Variants in BRF2 observed in about 807,000 individuals in gnomAD.
The protein encoded by BRF2 is BRF2 general transcription factor IIIB subunit, also known as transcription factor IIIB 50 kDa subunit.
A neutral mutation model predicts 26.6 loss-of-function variants in BRF2; 17 were observed. The observed-to-expected ratio is 0.64, with a 90% CI of 0.44 to 0.96. BRF2 has a LOEUF of 0.96. Among genes scored for constraint, BRF2 ranks in the 40% least tolerant of loss-of-function variants. The pLI is 0.00. For synonymous variants in BRF2, 219 were observed against 226.6 expected (o/e 0.97, Z 0.30); for missense variants, 515 against 537.0 (o/e 0.96, Z 0.40).
Position 37,844,482 on chromosome 8 carries a change from G to T in BRF2, c.*8C>A. 6.2e-7 allele frequency: 1 copy of T among 1,611,056 alleles called. No homozygotes were observed. The highest frequency in any genetic ancestry group is 8.5e-7 in the Non-Finnish European group (1 of 1,178,772). On this transcript the variant is annotated 3_prime_UTR_variant, in exon 4 of 4. Transcript: ENST00000220659. ...AGAACAGGATGAAGTGCTCCCAGTG[G>T]ATATCCATCAGGGAGGGTTAGGGAC...
intron 3 of BRF2, chr8:37,845,666 A>G: frequency 2.9e-6 from 2 of 697,376 alleles, no homozygotes; most frequent in Non-Finnish European, 5.2e-6. Flanking sequence ...AGCCAGGCGC[A>G]GTGCTCACGC....
In BRF2 at chr8:37,849,681, CCA is replaced by C; in HGVS notation, c.101_102del (p.Val34GlyfsTer32). ...GTAGTGGTAAGGACCCCCTCGGTGA[CCA>C]CGCAGCCGCAGTCGGAGCACACCAG... ...SQLVCSDCGC[V>X]VTEGVLTTTF... is the part of the protein sequence containing the mutation. On this transcript the variant is annotated frameshift_variant, in exon 1 of 4. Transcript: ENST00000220659. LOFTEE classifies it high-confidence loss of function. 6.2e-7 allele frequency: 1 copy of C among 1,613,688 alleles called. No homozygotes were observed. The highest frequency in any genetic ancestry group is 1.1e-5 in the South Asian group (1 of 91,086).
In BRF2 at chr8:37,844,516, CA is replaced by C; in HGVS notation, c.1233del (p.Ala412ProfsTer23). Reference sequence around the variant, plus strand: ...CAGGGAGGGTTAGGGACACTCGTGGCAGCCTGTCTAGCAGCCTGGGCTCTCT... The same window carrying C: ...CAGGGAGGGTTAGGGACACTCGTGGCGCCTGTCTAGCAGCCTGGGCTCTCT... ...DFQRAQAARQ[A>X]ATSVPNPP On this transcript the variant is annotated frameshift_variant, in exon 4 of 4. Coordinates refer to ENST00000220659, the MANE Select transcript of BRF2 (RefSeq NM_018310.4). LOFTEE classifies it high-confidence loss of function. 1 of 1,613,352 alleles carries C rather than the reference CA, an allele frequency of 6.2e-7. No homozygotes were observed. The highest frequency in any genetic ancestry group is 8.5e-7 in the Non-Finnish European group (1 of 1,179,992).
chr8:37,849,304 A>G (rs1806021331), intron 1 of BRF2, among the ~76,000 whole-genome samples: 1 of 152,222 alleles, frequency 6.6e-6, no homozygotes, highest in South Asian at 2.1e-4. Context: ...TTTGTGCTTA[A>G]AACTATTTCA....
At position 37,846,817 on chromosome 8, in the gene BRF2, T is replaced by G. The variant is rs761534518; in HGVS notation, c.536+37A>C. On this transcript the variant is annotated intron_variant, in intron 3 of 3. Transcript: ENST00000220659. ...CAAAGGATTCAGGTCTAAGGACCCA[T>G]CCCATCCCATCCTACTGTCTCCCAC... 3.5e-6 allele frequency: 5 copies of G among 1,448,968 alleles called. No individual in the cohort carries two copies. The East Asian group carries it at 1.1e-4, about 33-fold the overall frequency. 89.8% of individuals were successfully genotyped at this position (1,448,968 alleles called of 1,614,324 possible).
At chr8:37,845,270 G>C in intron 3 of BRF2, 57 bp from the exon 4 acceptor site, 6 of 1,427,534 alleles carry the variant, frequency 4.2e-6, no homozygotes, top group Non-Finnish European at 5.8e-6. Context: ...CTCTCCCACA[G>C]TGAGGAAAGA....
intron 1 of BRF2, among the ~76,000 whole-genome samples, chr8:37,849,155 C>A (rs972410831): frequency 7.2e-5 from 11 of 152,188 alleles, no homozygotes; most frequent in Non-Finnish European, 4.4e-5. Flanking sequence ...AGATCCTGGG[C>A]TCAAGCAATC....
Position 37,844,847 on chromosome 8 carries a change from G to A in BRF2, c.903C>T (p.Leu301=), listed in dbSNP as rs1563358056. The A allele has an allele frequency of 3.1e-6, 5 of 1,614,192 alleles. No individual in the cohort carries two copies. Among genetic ancestry groups the A allele is most frequent in the Non-Finnish European group, 3.4e-6 (4 of 1,180,044 alleles). Residue 301 remains leucine (L), a synonymous_variant, in exon 4 of 4, where the codon CTC becomes CTT. Transcript: ENST00000220659. ...RSVVKHIGDL[L]QHRQSLVRSA... is the part of the protein sequence containing the mutation. Reference sequence around the variant, plus strand: ...AGCGGACCAGTGACTGGCGGTGCTGGAGAAGGTCACCGATGTGCTTCACCA... The same window carrying A: ...AGCGGACCAGTGACTGGCGGTGCTGAAGAAGGTCACCGATGTGCTTCACCA...
intron 2 of BRF2, 158 bp from the exon 3 acceptor site, chr8:37,847,333 A>T: frequency 1.4e-6 from 1 of 714,522 alleles, no homozygotes; most frequent in Non-Finnish European, 2.5e-6. Context: ...GACACTTGGT[A>T]TAGTCATTCT....
chr8:37,845,217 A>G lies in BRF2; in HGVS notation c.537-4T>C, dbSNP rs764060811. The G allele has an allele frequency of 6.2e-7, 1 of 1,603,110 alleles. No homozygotes were observed. The highest frequency in any genetic ancestry group is 8.5e-7 in the Non-Finnish European group (1 of 1,171,398). On this transcript the variant is annotated splice_region_variant and splice_polypyrimidine_tract_variant and intron_variant, in intron 3 of 3. Coordinates refer to ENST00000220659, the MANE Select transcript of BRF2 (RefSeq NM_018310.4). ...TGAAGCTTGGAACAGTTTGAAGCTG[A>G]AATAACCAAAATGAGGGTTGGATCT...
chr8:37,849,731 T>A lies in BRF2; in HGVS notation c.53A>T (p.Asp18Val), dbSNP rs1411078614. ...CAGCTGGCTCTGCGAATAGTGCGAG[T>A]CTTCCACCAGCTCCGTGGAGCCGCA... ...PDCGSTELVEDSHYSQSQLVC... is the reference protein window; with the variant it reads ...PDCGSTELVEVSHYSQSQLVC... Residue 18 changes from aspartate (D) to valine (V), a missense_variant, in exon 1 of 4, where the codon GAC becomes GTC. Coordinates refer to ENST00000220659, the MANE Select transcript of BRF2 (RefSeq NM_018310.4). 5 of 1,613,388 alleles carry A rather than the reference T, an allele frequency of 3.1e-6. No homozygotes were observed. The highest frequency in any genetic ancestry group is 3.3e-4 in the Middle Eastern group (2 of 6,000).
rs1159430724 is a variant in BRF2, at chr8:37,844,274, C to A, written c.*216G>T. On this transcript the variant is annotated 3_prime_UTR_variant, in exon 4 of 4. Coordinates refer to ENST00000220659, the MANE Select transcript of BRF2 (RefSeq NM_018310.4). ...AACATGGACATAGGCAACTTGCTCTCCCACACCAAGGGATGGGAATCTCTC... is the reference window on the plus strand; with the variant it reads ...AACATGGACATAGGCAACTTGCTCTACCACACCAAGGGATGGGAATCTCTC... 1.0e-5 allele frequency: 6 copies of A among 590,268 alleles called. No individual in the cohort carries two copies. Among genetic ancestry groups the A allele is most frequent in the Non-Finnish European group, 1.8e-5 (6 of 331,602 alleles). The allele number at this position is 590,268 out of a possible 1,614,324, so 36.6% of individuals were successfully genotyped here.
rs1250591646 is a variant in BRF2, at chr8:37,847,074, T to C, written c.316A>G (p.Ile106Val). The C allele has an allele frequency of 6.2e-7, 1 of 1,614,130 alleles. No individual in the cohort carries two copies. Among genetic ancestry groups the C allele is most frequent in the Non-Finnish European group, 8.5e-7 (1 of 1,180,058 alleles). Reference protein sequence around the residue: ...YYQQAYRHSGIRAARLQKKEV... With the variant: ...YYQQAYRHSGVRAARLQKKEV... Reference sequence around the variant, plus strand: ...TTCTTTTGCAGCCTGGCCGCTCGGATGCCAGAGTGCCGATATGCCTGTTGG... The same window carrying C: ...TTCTTTTGCAGCCTGGCCGCTCGGACGCCAGAGTGCCGATATGCCTGTTGG... Residue 106 changes from isoleucine to valine, a missense_variant, in exon 3 of 4, where the codon ATC (isoleucine) becomes GTC (valine). Coordinates refer to ENST00000220659, the MANE Select transcript of BRF2 (RefSeq NM_018310.4).
intron 2 of BRF2, 29 bp from the exon 3 acceptor site, chr8:37,847,204 G>A (rs201751482): frequency 7.7e-5 from 123 of 1,601,400 alleles, no homozygotes; most frequent in Admixed American, 2.0e-4. Context: ...AAGAGTTAGA[G>A]GGGTCAAAGG....
At position 37,843,626 on chromosome 8, in the gene BRF2, C is replaced by G. The variant is rs796548545; in HGVS notation, c.*864G>C. On this transcript the variant is annotated 3_prime_UTR_variant, in exon 4 of 4. Coordinates refer to ENST00000220659, the MANE Select transcript of BRF2 (RefSeq NM_018310.4). ...TGACCTAGGGTTCCCTCCCAGTCTT[C>G]ACATCACTCTGGCCTCATCACCAAG... is the stretch of plus-strand genomic sequence containing the variant. 9.6e-4 allele frequency: 146 copies of G among 152,444 alleles called. 1 individual carries two copies. Among genetic ancestry groups the G allele is most frequent in the African/African-American group, 3.4e-3 (141 of 41,554 alleles). The allele number at this position is 152,444 out of a possible 1,614,324, so 9.4% of individuals were successfully genotyped here. A position where few individuals can be genotyped will look rare whatever the true frequency, so the allele number is the denominator to read the frequency against.
chr8:37,843,968 G>A lies in BRF2; in HGVS notation c.*522C>T, dbSNP rs1805897223. ...ATATTAAAATTTTGCAAAGCCCTTT[G>A]AGCTACTGCCTTAGTCTACCCACTG... On this transcript the variant is annotated 3_prime_UTR_variant, in exon 4 of 4. Coordinates refer to ENST00000220659, the MANE Select transcript of BRF2 (RefSeq NM_018310.4). 6.5e-6 allele frequency: 1 copy of A among 153,746 alleles called. No individual in the cohort carries two copies. Among genetic ancestry groups the A allele is most frequent in the Admixed American group, 6.5e-5 (1 of 15,458 alleles). 9.5% of individuals were successfully genotyped at this position (153,746 alleles called of 1,614,324 possible).
intron 1 of BRF2, among the ~76,000 whole-genome samples, chr8:37,849,102 T>C (rs974830052): frequency 6.6e-6 from 1 of 151,954 alleles, no homozygotes; most frequent in Non-Finnish European, 1.5e-5. Context: ...AAAAAAAAAT[T>C]TTTTTAGGCA....
chr8:37,844,342 C>A lies in BRF2; in HGVS notation c.*148G>T. ...TGCACTCCTGACTTTACTCCAGGAC[C>A]CAGGGTCCAACTAATGGCAGAGCCC... is the stretch of plus-strand genomic sequence containing the variant. On this transcript the variant is annotated 3_prime_UTR_variant, in exon 4 of 4. Coordinates refer to ENST00000220659, the MANE Select transcript of BRF2 (RefSeq NM_018310.4). 1 of 1,016,694 alleles carries A rather than the reference C, an allele frequency of 9.8e-7. No homozygotes were observed. 63.0% of individuals were successfully genotyped at this position (1,016,694 alleles called of 1,614,324 possible).
rs763706647 is a variant in BRF2, at chr8:37,844,751, T to C, written c.999A>G (p.Gln333=). ...AATTATTTCCCACCTCCCCTTCTCCTTGCCCCTGTCCCCACCCCGGTGGCT... is the reference window on the plus strand; with the variant it reads ...AATTATTTCCCACCTCCCCTTCTCCCTGCCCCTGTCCCCACCCCGGTGGCT... ...EKEPPGWGQG[Q]GEGEVGNNSL... is the part of the protein sequence containing the mutation. The change falls in exon 4 of 4, where the codon CAA becomes CAG. Residue 333 remains glutamine (Q), a synonymous_variant. Transcript: ENST00000220659. The C allele has an allele frequency of 6.2e-7, 1 of 1,614,064 alleles. No individual in the cohort carries two copies. Among genetic ancestry groups the C allele is most frequent in the South Asian group, 1.1e-5 (1 of 91,078 alleles).
Sources: allele counts gnomAD v4.1 joint callset (sites outside exome capture counted in the v4.1 genomes callset), GRCh38; gene constraint gnomAD v4.1.1; transcripts MANE v1.5; gene names NCBI Gene and HGNC (gene_info 2026-07-23, HGNC 2026-07-21).